The following AP2A1 variants were observed in gnomAD, a reference collection of about 807,000 sequenced individuals.
AP2A1 encodes the protein AP-2 complex subunit alpha-1.
A neutral mutation model predicts 107.3 loss-of-function variants in AP2A1; 21 were observed. The observed-to-expected ratio is 0.20, with a 90% confidence interval of 0.14 to 0.28. The LOEUF (loss-of-function observed/expected upper bound fraction) is 0.28. AP2A1 is among the 10% of genes least tolerant of loss of function. AP2A1 has a pLI of 1.00. For missense variants in AP2A1, 873 were observed against 1,307.7 expected, an observed-to-expected ratio of 0.67 and a Z score of 5.13; for synonymous variants, 602 against 564.8, an observed-to-expected ratio of 1.07 and a Z score of -0.93.
intron 1 of AP2A1, 108 bp from the exon 2 acceptor site, chr19:49,781,649 G>A (rs2084676723): frequency 3.5e-6 from 4 of 1,153,678 alleles, no homozygotes; most frequent in Non-Finnish European, 3.8e-6. Flanking sequence ...GGGCTTGGGG[G>A]CGGAGAAGAT....
intron 1 of AP2A1, among the ~76,000 whole-genome samples, chr19:49,770,055 C>T (rs1027752171): frequency 9.2e-5 from 14 of 152,134 alleles, no homozygotes; most frequent in African/African-American, 2.9e-4. Flanking sequence ...TTTTAGTAGA[C>T]GCAGGGTTTC....
chr19:49,790,413 T>C (rs1197189905), intron 4 of AP2A1, among the ~76,000 whole-genome samples: 1 of 152,206 alleles, frequency 6.6e-6, no homozygotes, highest in Non-Finnish European at 1.5e-5. Flanking sequence ...CTTTATCATA[T>C]CTGCAAAGTA....
In AP2A1 at chr19:49,795,665, C is replaced by T. The variant is rs369351738; in HGVS notation, c.741C>T (p.Tyr247=). The change falls in exon 7 of 23, where the codon TAC becomes TAT. Residue 247 remains tyrosine (Y), a synonymous_variant. Transcript: ENST00000354293. ...VSSASTDLQD[Y]TYYFVPAPWL... is the part of the protein sequence containing the mutation. ...CTGCCTCCACCGACCTCCAGGACTA[C>T]ACCTACTACTTCGTCCCAGCACCCT... The T allele has an allele frequency of 2.1e-4, 299 of 1,434,662 alleles. No individual in the cohort carries two copies. Among genetic ancestry groups the T allele is most frequent in the Non-Finnish European group, 2.6e-4 (275 of 1,071,386 alleles). 88.9% of individuals were successfully genotyped at this position (1,434,662 alleles called of 1,614,324 possible). A position where few individuals can be genotyped will look rare whatever the true frequency, so the allele number is the denominator to read the frequency against.
intron 4 of AP2A1, among the ~76,000 whole-genome samples, chr19:49,786,173 A>G (rs1427286629): frequency 1.3e-5 from 2 of 152,130 alleles, no homozygotes; most frequent in Non-Finnish European, 2.9e-5. Flanking sequence ...CTTGAGCTCA[A>G]GAGGCCCAGG....
At chr19:49,772,246 GTTTTTTTTTT>G (rs71180653) in intron 1 of AP2A1, among the ~76,000 whole-genome samples, 1 of 56,154 alleles carries the variant, frequency 1.8e-5, no homozygotes, top group African/African-American at 6.9e-5. Flanking sequence ...TTTTCATAGA[GTTTTTTTTTT>G]TTTTTTTTTT....
At chr19:49,800,931 C>A in intron 11 of AP2A1, 30 bp from the exon 12 acceptor site, 1 of 1,556,008 alleles carries the variant, frequency 6.4e-7, no homozygotes, top group South Asian at 1.2e-5. Flanking sequence ...TCATTGTTGT[C>A]CTCTCCACGC....
chr19:49,777,170 GGTTGCA>G (rs2084625492), intron 1 of AP2A1, among the ~76,000 whole-genome samples: 1 of 151,930 alleles, frequency 6.6e-6, no homozygotes, highest in Non-Finnish European at 1.5e-5. Flanking sequence ...GGGAGGTGGA[GGTTGCA>G]GTGAGCCAAG....
At chr19:49,794,073 T>G (rs1428892985) in intron 6 of AP2A1, among the ~76,000 whole-genome samples, 3 of 149,728 alleles carry the variant, frequency 2.0e-5, no homozygotes, top group Non-Finnish European at 4.4e-5. Context: ...GCTAATTTTT[T>G]GTATTTTTAG....
At chr19:49,794,756 G>T (rs574419405) in intron 6 of AP2A1, among the ~76,000 whole-genome samples, 1 of 151,992 alleles carries the variant, frequency 6.6e-6, no homozygotes, top group African/African-American at 2.4e-5. Context: ...TCTGCCTCCC[G>T]GGTTCAAGCA....
At chr19:49,791,852 T>A (rs530562602) in intron 4 of AP2A1, 83 bp from the exon 5 acceptor site, 1 of 1,503,708 alleles carries the variant, frequency 6.7e-7, no homozygotes, top group African/African-American at 1.4e-5. Context: ...ACACCCTTCC[T>A]GGGAGGAACA....
In AP2A1 at chr19:49,785,075, A is replaced by G. The variant is rs1157574553; in HGVS notation, c.473+2351A>G. Among the ~76,000 whole-genome samples, 1 of 152,212 alleles carries G rather than the reference A, an allele frequency of 6.6e-6. No homozygotes were observed. Among genetic ancestry groups the G allele is most frequent in the East Asian group, 1.9e-4 (1 of 5,204 alleles). ...GACAAAGACTCATGGAAGACAGAGA[A>G]CATCTAACAGAATTGCCATTTAGAG... is the stretch of plus-strand genomic sequence containing the variant. On this transcript the variant is annotated intron_variant, in intron 4 of 22. Coordinates refer to ENST00000354293, the MANE Select transcript of AP2A1 (RefSeq NM_130787.3). The surrounding 1 kb of genome is among the most constrained non-coding windows in gnomAD (Gnocchi z 4.1).
At chr19:49,802,594 T>C in intron 15 of AP2A1, 4 of 1,591,916 alleles carry the variant, frequency 2.5e-6, no homozygotes, top group Non-Finnish European at 3.4e-6. Context: ...CAGCTCCAGC[T>C]GCTGAGTAAG....
intron 17 of AP2A1, 28 bp downstream of exon 17, chr19:49,803,217 G>T (rs2073314706): frequency 1.2e-6 from 2 of 1,613,788 alleles, no homozygotes; most frequent in Non-Finnish European, 8.5e-7. Context: ...GTGGGAATGG[G>T]TCGGAGGGAG....
In AP2A1 at chr19:49,807,073, G is replaced by A; in HGVS notation, c.*315G>A. The stretch of plus-strand genomic sequence containing the variant: ...CCTCCTACCCCCTCCCCATCCAGGG[G>A]CTGTGTATTATTGTGAGCGAATAAA... On this transcript the variant is annotated 3_prime_UTR_variant, in exon 23 of 23. Transcript: ENST00000354293. The A allele has an allele frequency of 1.3e-6, 2 of 1,597,698 alleles. No homozygotes were observed. Among genetic ancestry groups the A allele is most frequent in the Non-Finnish European group, 1.7e-6 (2 of 1,175,920 alleles).
At chr19:49,803,048 G>A (rs201771933) in intron 16 of AP2A1, 43 bp downstream of exon 16, 12 of 1,613,690 alleles carry the variant, frequency 7.4e-6, no homozygotes, top group African/African-American at 4.0e-5. Flanking sequence ...GGACAGGTGC[G>A]GAGCCCAGGC....
chr19:49,803,072 G>C (rs767670899), intron 16 of AP2A1, 35 bp from the exon 17 acceptor site: 13 of 1,613,618 alleles, frequency 8.1e-6, no homozygotes. Context: ...GTGCAGACAG[G>C]CACCCCCGTC....
intron 1 of AP2A1, among the ~76,000 whole-genome samples, chr19:49,769,016 G>T (rs1334302825): frequency 6.6e-6 from 1 of 152,138 alleles, no homozygotes; most frequent in African/African-American, 2.4e-5. Context: ...TTGGGGGGCC[G>T]AGGTAGGCGG....
Position 49,799,586 on chromosome 19 carries a change from C to A in AP2A1, c.1135-43C>A. On this transcript the variant is annotated intron_variant, in intron 9 of 22. Transcript: ENST00000354293. ...CCTTGGGTGGCCAACCCTGTGCCAACAGGGAGTCTAAAACACACCTGGGCT... is the reference window on the plus strand; with the variant it reads ...CCTTGGGTGGCCAACCCTGTGCCAAAAGGGAGTCTAAAACACACCTGGGCT... The A allele has an allele frequency of 1.9e-6, 3 of 1,600,634 alleles. No homozygotes were observed. In the South Asian group the frequency reaches 3.3e-5, roughly 18 times the overall value.
intron 6 of AP2A1, among the ~76,000 whole-genome samples, chr19:49,794,785 C>T (rs1048015333): frequency 6.6e-6 from 1 of 152,170 alleles, no homozygotes; most frequent in African/African-American, 2.4e-5. Flanking sequence ...GCCTCAGCCT[C>T]CCAAGTAGCA....
Sources: gnomAD v4.1 joint callset for allele counts (sites outside exome capture counted in the v4.1 genomes callset) on GRCh38, gnomAD v4.1.1 for gene constraint, Gnocchi (gnomAD v3.1) non-coding constraint, MANE v1.5 for transcripts, NCBI Gene and HGNC (gene_info 2026-07-23, HGNC 2026-07-21) for gene names.